ASH1L: variants seen among roughly 807,000 people sequenced by gnomAD.
ASH1L encodes the protein histone-lysine N-methyltransferase ASH1L.
Under a neutral mutation model 269.0 loss-of-function variants are expected in ASH1L, and 23 were observed. The ratio of observed to expected loss-of-function variants is 0.09; its 90% CI spans 0.06 to 0.12. The LOEUF is 0.12. ASH1L is among the 10% of genes least tolerant of loss of function. The pLI, the probability that ASH1L is intolerant of heterozygous loss-of-function variation, is 1.00. For synonymous variants in ASH1L, 1,187 were observed against 1,253.5 expected (o/e 0.95, Z 1.12); for missense variants, 2,912 against 3,567.8 (o/e 0.82, Z 4.68).
At chr1:155,549,729 G>A (rs1388146263) in intron 1 of ASH1L, among the ~76,000 whole-genome samples, 1 of 151,960 alleles carries the variant, frequency 6.6e-6, no homozygotes, top group Admixed American at 6.6e-5. Context: ...ACAGATTTTG[G>A]TATCCTCGGG....
At chr1:155,457,474 T>C (rs908340878) in intron 4 of ASH1L, among the ~76,000 whole-genome samples, 21 of 152,226 alleles carry the variant, frequency 1.4e-4, no homozygotes, top group African/African-American at 4.8e-4. Flanking sequence ...GTTGTTACTG[T>C]GCTACATTAT....
rs1482525315 is a variant in ASH1L at position 155,346,435 on chromosome 1, G to A, written c.7838C>T (p.Ser2613Leu). The change falls in exon 21 of 28, where the codon TCA (serine) becomes TTA (leucine). Residue 2613 changes from serine (S) to leucine (L), a missense_variant. Around this residue, in one of 13 missense-constraint regions of ASH1L, gnomAD observed 179 missense variants for 293.8 expected, o/e 0.61. Coordinates refer to ENST00000392403, the MANE Select transcript of ASH1L (RefSeq NM_018489.3). Reference protein sequence around the residue: ...WQHCDCMGVNSDVEHYLCEQC... With the variant: ...WQHCDCMGVNLDVEHYLCEQC... ...CTCACAAAGGTAGTGCTCCACATCT[G>A]AGTTCACTCCCATACAATCACAGTG... is the stretch of plus-strand genomic sequence containing the variant. 1 of 1,614,070 alleles carries A rather than the reference G, an allele frequency of 6.2e-7. No homozygotes were observed. The highest frequency in any genetic ancestry group is 8.5e-7 in the Non-Finnish European group (1 of 1,179,974).
intron 1 of ASH1L, among the ~76,000 whole-genome samples, chr1:155,529,993 G>A (rs886343897): frequency 6.6e-6 from 1 of 151,158 alleles, no homozygotes; most frequent in Non-Finnish European, 1.5e-5. Flanking sequence ...AAAAAAAAAA[G>A]AAGTTTCCCT....
Position 155,521,255 on chromosome 1 carries a change from T to G in ASH1L, c.265A>C (p.Ile89Leu). 1 of 1,614,196 alleles carries G rather than the reference T, an allele frequency of 6.2e-7. No individual in the cohort carries two copies. The highest frequency in any genetic ancestry group is 8.5e-7 in the Non-Finnish European group (1 of 1,180,028). The change falls in exon 2 of 28, where the codon ATT (isoleucine) becomes CTT (leucine). Residue 89 changes from isoleucine (I) to leucine (L), a missense_variant. Ile to Leu is a conservative substitution (Grantham distance 5). Coordinates refer to ENST00000392403, the MANE Select transcript of ASH1L (RefSeq NM_018489.3). ...TTAGTTCTCTTAGCCTGGAGGCCAATTTTCAATTTTAAATTTCCCTCTGAA... is the reference window on the plus strand; with the variant it reads ...TTAGTTCTCTTAGCCTGGAGGCCAAGTTTCAATTTTAAATTTCCCTCTGAA... ...NFSEGNLKLK[I>L]GLQAKRTKKP...
chr1:155,433,840 A>G, intron 5 of ASH1L: 2 of 1,607,216 alleles, frequency 1.2e-6, no homozygotes, highest in Non-Finnish European at 1.7e-6. Context: ...TTCAGGAGAC[A>G]TGCAAAGCAG....
intron 3 of ASH1L, among the ~76,000 whole-genome samples, chr1:155,477,372 A>G (rs1310522051): frequency 2.0e-5 from 3 of 152,238 alleles, no homozygotes; most frequent in African/African-American, 7.2e-5. Flanking sequence ...GTTAAATTTT[A>G]CAATGCTGAA....
chr1:155,463,758 G>T (rs907142508), intron 3 of ASH1L, among the ~76,000 whole-genome samples: 1 of 152,070 alleles, frequency 6.6e-6, no homozygotes, highest in Non-Finnish European at 1.5e-5. Flanking sequence ...TCGCACCACT[G>T]CACTCCATCC....
In ASH1L at chr1:155,338,408, G is replaced by C; in HGVS notation, c.8502-18C>G. The C allele has an allele frequency of 6.2e-7, 1 of 1,605,926 alleles. No individual in the cohort carries two copies. On this transcript the variant is annotated intron_variant, in intron 26 of 27. Transcript: ENST00000392403. ...AGGATGATCTGCCAGAAGGATATCT[G>C]AATTTAGTGTAAGACACTTGAGGAG... is the stretch of plus-strand genomic sequence containing the variant.
At chr1:155,505,971 A>G (rs1667788361) in intron 2 of ASH1L, among the ~76,000 whole-genome samples, 1 of 152,020 alleles carries the variant, frequency 6.6e-6, no homozygotes, top group South Asian at 2.1e-4. Context: ...TATATCTCCT[A>G]ATGCTATCCC....
In ASH1L at chr1:155,481,237, A is replaced by G. The variant is rs377014653; in HGVS notation, c.1633T>C (p.Ser545Pro). Residue 545 changes from serine to proline, a missense_variant, in exon 3 of 28, where the codon TCC becomes CCC. Physicochemically the swap from Ser to Pro is moderately conservative, Grantham distance 74. Coordinates refer to ENST00000392403, the MANE Select transcript of ASH1L (RefSeq NM_018489.3). The stretch of plus-strand genomic sequence containing the variant: ...CTTTCTCCTACTGCACTGAATGGGG[A>G]TTTAGCGGTAGATACATCAGAAGCA... Reference protein sequence around the residue: ...GGASDVSTAKSPFSAVGESNL... With the variant: ...GGASDVSTAKPPFSAVGESNL... The G allele has an allele frequency of 2.5e-5, 40 of 1,614,098 alleles. No individual in the cohort carries two copies. The East Asian group carries it at 3.8e-4, about 15-fold the overall frequency.
At chr1:155,351,500 C>T (rs967672704) in intron 17 of ASH1L, among the ~76,000 whole-genome samples, 7 of 151,444 alleles carry the variant, frequency 4.6e-5, no homozygotes, top group Admixed American at 1.3e-4. Flanking sequence ...ATGTGGTGAG[C>T]CAAGATTGCA....
chr1:155,480,865 C>T lies in ASH1L; in HGVS notation c.2005G>A (p.Val669Ile), dbSNP rs1312441359. ...ESSIHTITPS[V>I]VNFTSLFSNK... ...CTAAATAAACTAGTGAAGTTAACAA[C>T]TGAAGGAGTAATAGTATGAATGCTG... Residue 669 changes from valine (V) to isoleucine (I), a missense_variant, in exon 3 of 28, where the codon GTT (valine) becomes ATT (isoleucine). Transcript: ENST00000392403. 6.2e-7 allele frequency: 1 copy of T among 1,613,826 alleles called. No homozygotes were observed. The highest frequency in any genetic ancestry group is 1.7e-5 in the Admixed American group (1 of 59,980).
intron 4 of ASH1L, among the ~76,000 whole-genome samples, chr1:155,457,480 A>G (rs1253300528): frequency 1.3e-5 from 2 of 152,186 alleles, no homozygotes; most frequent in African/African-American, 4.8e-5. Flanking sequence ...ACTGTGCTAC[A>G]TTATTACCCT....
chr1:155,344,437 G>C, intron 21 of ASH1L, 164 bp from the exon 22 acceptor site: 1 of 567,312 alleles, frequency 1.8e-6, no homozygotes, highest in East Asian at 2.9e-5. Context: ...ACCTGGAAAA[G>C]TGAAGGTAGA....
intron 1 of ASH1L, among the ~76,000 whole-genome samples, chr1:155,558,504 T>C (rs1671751875): frequency 6.6e-6 from 1 of 152,148 alleles, no homozygotes; most frequent in South Asian, 2.1e-4. Context: ...ATGTGCTGTA[T>C]TCTATTTCAC....
At chr1:155,388,317 G>A (rs528037967) in intron 7 of ASH1L, among the ~76,000 whole-genome samples, 48 of 152,082 alleles carry the variant, frequency 3.2e-4, no homozygotes, top group Non-Finnish European at 5.3e-4. Flanking sequence ...TTTGAGACAG[G>A]ATCTCACTCT....
At position 155,478,278 on chromosome 1, in the gene ASH1L, T is replaced by C; in HGVS notation, c.4592A>G (p.Lys1531Arg). 1 of 1,614,134 alleles carries C rather than the reference T, an allele frequency of 6.2e-7. No individual in the cohort carries two copies. The highest frequency in any genetic ancestry group is 1.1e-5 in the South Asian group (1 of 91,082). Residue 1531 changes from lysine to arginine, a missense_variant, in exon 3 of 28, where the codon AAG becomes AGG. This residue lies in a region of ASH1L where 789 missense variants were observed against 897.6 expected (regional missense o/e 0.88). Coordinates refer to ENST00000392403, the MANE Select transcript of ASH1L (RefSeq NM_018489.3). The surrounding 1 kb of genome is among the most constrained non-coding windows in gnomAD (Gnocchi z 4.6). ...GGACATGTGACAACGGTGCTTTTCC[T>C]TATGCTTATATCGCTCTCCAACAGC... is the stretch of plus-strand genomic sequence containing the variant. ...KDAVGERYKH[K>R]EKHRCHMSCP...
In ASH1L at chr1:155,525,629, G is replaced by A. The variant is rs143628022; in HGVS notation, c.-99-4011C>T. On this transcript the variant is annotated intron_variant, in intron 1 of 27. Transcript: ENST00000392403. ...TTTTTTTAAAAAGAAAAAAACTTACGGCACCAACATTTGGGTAATGGATTC... is the reference window on the plus strand; with the variant it reads ...TTTTTTTAAAAAGAAAAAAACTTACAGCACCAACATTTGGGTAATGGATTC... Among the ~76,000 whole-genome samples, 5 of 151,812 alleles carry A rather than the reference G, an allele frequency of 3.3e-5. No individual in the cohort carries two copies. The East Asian group carries it at 7.7e-4, about 23-fold the overall frequency.
chr1:155,416,018 A>C, intron 5 of ASH1L, 95 bp from the exon 6 acceptor site: 2 of 1,070,372 alleles, frequency 1.9e-6, no homozygotes, highest in Non-Finnish European at 2.6e-6. Context: ...AGCAATTAAA[A>C]AAAGAGATAT....
Sources: gnomAD v4.1 joint callset for allele counts (sites outside exome capture counted in the v4.1 genomes callset) on GRCh38, gnomAD v4.1.1 for gene constraint, gnomAD v4.1.1 regional missense constraint, Gnocchi (gnomAD v3.1) non-coding constraint, MANE v1.5 for transcripts, NCBI Gene and HGNC (gene_info 2026-07-23, HGNC 2026-07-21) for gene names.